Variants in POMT2 observed in about 807,000 individuals in gnomAD.
POMT2 encodes protein O-mannosyl-transferase 2.
In POMT2, 75 loss-of-function variants were observed where a neutral mutation model predicts 100.0. That is an observed-to-expected ratio of 0.75 (90% confidence interval 0.62 to 0.91). POMT2 has a LOEUF of 0.91. Ranked by LOEUF, POMT2 falls within the 40% of genes least tolerant of loss-of-function variation. POMT2 has a pLI of 0.00. For synonymous variants in POMT2, 378 were observed against 374.1 expected (o/e 1.01, Z -0.12); for missense variants, 940 against 955.1 (o/e 0.98, Z 0.21).
At chr14:77,289,340 G>A (rs1429733074) in intron 10 of POMT2, among the ~76,000 whole-genome samples, 3 of 151,634 alleles carry the variant, frequency 2.0e-5, no homozygotes, top group East Asian at 2.0e-4. Flanking sequence ...GCAGTAAGCC[G>A]AGATTGCGCC....
In POMT2 at chr14:77,288,271, T is replaced by C. The variant is rs1890508577; in HGVS notation, c.1253+491A>G. ...ATGCTCTTAAGAAGTCTTTATATTA[T>C]TCCAGCATTTTTAGTCATTTTCAGT... On this transcript the variant is annotated intron_variant, in intron 11 of 20. Coordinates refer to ENST00000261534, the MANE Select transcript of POMT2 (RefSeq NM_013382.7). Among the ~76,000 whole-genome samples, 3 of 152,248 alleles carry C rather than the reference T, an allele frequency of 2.0e-5. No homozygotes were observed. The South Asian group carries it at 6.2e-4, about 32-fold the overall frequency.
chr14:77,294,540 T>G (rs904438546), intron 9 of POMT2, among the ~76,000 whole-genome samples: 1 of 152,192 alleles, frequency 6.6e-6, no homozygotes, highest in Non-Finnish European at 1.5e-5. Flanking sequence ...GCCAGGCTGG[T>G]CTCAAACTCC....
In POMT2 at chr14:77,277,276, C is replaced by G; in HGVS notation, c.*100G>C. 4 of 1,026,154 alleles carry G rather than the reference C, an allele frequency of 3.9e-6. No homozygotes were observed. Among genetic ancestry groups the G allele is most frequent in the South Asian group, 1.3e-5 (1 of 75,166 alleles). 63.6% of individuals were successfully genotyped at this position (1,026,154 alleles called of 1,614,324 possible). On this transcript the variant is annotated 3_prime_UTR_variant, in exon 21 of 21. Transcript: ENST00000261534. ...CTGGTGAGCAGCAGAATTCTTCGGG[C>G]TCCTTAGGCAGCTTCCTCATGGCCG...
chr14:77,280,396 T>G lies in POMT2; in HGVS notation c.1721A>C (p.Tyr574Ser), dbSNP rs142870987. Residue 574 changes from tyrosine (Y) to serine (S), a missense_variant, in exon 16 of 21, where the codon TAT (tyrosine) becomes TCT (serine). Physicochemically the swap from Tyr to Ser is moderately radical, Grantham distance 144. Transcript: ENST00000261534. ...AGCCCCAGCCTTGGATCCTACCTGA[T>G]AGTTGATAGGCCAGTGCCAGGGTTT... ...TSKPWHWPIN[Y>S]QGLRFSGVND... The G allele has an allele frequency of 2.5e-6, 4 of 1,613,832 alleles. No individual in the cohort carries two copies. Among genetic ancestry groups the G allele is most frequent in the Admixed American group, 1.7e-5 (1 of 59,988 alleles).
intron 9 of POMT2, among the ~76,000 whole-genome samples, chr14:77,295,621 G>A (rs1383402186): frequency 1.9e-4 from 22 of 112,990 alleles, no homozygotes; most frequent in African/African-American, 7.0e-4. Context: ...GACAGAGCAA[G>A]ACTCCATCTC....
In POMT2 at chr14:77,278,849, G is replaced by T. The variant is rs119463989; in HGVS notation, c.1912C>A (p.Arg638=). The part of the protein sequence containing the change: ...EVAGLSQVLL[R]GGGQVLLGWT... ...CCGAGCAGGACCTGGCCGCCTCCTC[G>T]AAGCAGGACCTGGGACAACCCTGGG... is the stretch of plus-strand genomic sequence containing the variant. Residue 638 remains arginine (R), a synonymous_variant, in exon 19 of 21, where the codon CGA becomes AGA. Coordinates refer to ENST00000261534, the MANE Select transcript of POMT2 (RefSeq NM_013382.7). 1 of 1,613,336 alleles carries T rather than the reference G, an allele frequency of 6.2e-7. No individual in the cohort carries two copies. The highest frequency in any genetic ancestry group is 8.5e-7 in the Non-Finnish European group (1 of 1,179,762).
chr14:77,284,757 C>T (rs756784207), intron 14 of POMT2, among the ~76,000 whole-genome samples, 193 bp downstream of exon 14: 3 of 152,000 alleles, frequency 2.0e-5, no homozygotes, highest in South Asian at 2.1e-4. Context: ...GAGGAGTTTA[C>T]GGAGGGAGTG....
rs138266415 is a variant in POMT2, at chr14:77,285,568, C to T, written c.1397G>A (p.Arg466Gln). Residue 466 changes from arginine to glutamine, a missense_variant, in exon 13 of 21, where the codon CGG (arginine) becomes CAG (glutamine). Physicochemically the swap from Arg to Gln is conservative, Grantham distance 43 (BLOSUM62 1). Transcript: ENST00000261534. ...AATTCGACTTCTCAGCACTTTGATC[C>T]GGTTTCCAAATTTCCTGTTTACGAC... ...IEVVNRKFGN[R>Q]IKVLRSRIRF... The T allele has an allele frequency of 5.4e-5, 87 of 1,613,796 alleles. No individual in the cohort carries two copies. The highest frequency in any genetic ancestry group is 4.9e-4 in the African/African-American group (37 of 74,894).
At chr14:77,303,713 C>T (rs1042010795) in intron 4 of POMT2, among the ~76,000 whole-genome samples, 1 of 152,222 alleles carries the variant, frequency 6.6e-6, no homozygotes, top group African/African-American at 2.4e-5. Flanking sequence ...AAGCTCTTTC[C>T]TGACTATCCT....
At chr14:77,279,139 G>A (rs572173989) in intron 18 of POMT2, 14 of 537,108 alleles carry the variant, frequency 2.6e-5, no homozygotes, top group South Asian at 5.9e-5. Flanking sequence ...ACCCTTCTGC[G>A]CCTGCAGACA....
intron 6 of POMT2, chr14:77,300,750 G>A: frequency 3.2e-6 from 1 of 311,056 alleles, no homozygotes; most frequent in Non-Finnish European, 6.2e-6. Context: ...TACCCAGGAG[G>A]CGGAAGTTGC....
chr14:77,307,341 A>T (rs925742434), intron 2 of POMT2, among the ~76,000 whole-genome samples: 1 of 152,170 alleles, frequency 6.6e-6, no homozygotes, highest in Non-Finnish European at 1.5e-5. Flanking sequence ...GATTTAGACT[A>T]CTAACCAACC....
At chr14:77,279,629 T>G in intron 18 of POMT2, 194 bp downstream of exon 18, 1 of 697,222 alleles carries the variant, frequency 1.4e-6, no homozygotes, top group Non-Finnish European at 2.6e-6. Context: ...CGCTCTAGTG[T>G]TGTTGGGAGG....
At chr14:77,283,302 A>G (rs1890295319) in intron 15 of POMT2, among the ~76,000 whole-genome samples, 1 of 152,228 alleles carries the variant, frequency 6.6e-6, no homozygotes, top group African/African-American at 2.4e-5. Context: ...TCTTCAACCA[A>G]GAGCACTATG....
intron 2 of POMT2, 128 bp from the exon 3 acceptor site, chr14:77,306,569 CCA>C: frequency 1.9e-6 from 2 of 1,036,784 alleles, no homozygotes; most frequent in Non-Finnish European, 2.9e-6. Flanking sequence ...GAAAATGTTG[CCA>C]ATGCAACATT....
At chr14:77,283,438 A>G (rs1268609733) in intron 15 of POMT2, among the ~76,000 whole-genome samples, 2 of 152,170 alleles carry the variant, frequency 1.3e-5, no homozygotes, top group African/African-American at 4.8e-5. Flanking sequence ...TACCTCTTAC[A>G]CTTAGCTGTG....
chr14:77,306,604 C>T (rs1891238930), intron 2 of POMT2, 163 bp from the exon 3 acceptor site: 1 of 714,538 alleles, frequency 1.4e-6, no homozygotes, highest in Admixed American at 2.5e-5. Flanking sequence ...TGCCACAGAG[C>T]AAAGAATCTT....
intron 12 of POMT2, among the ~76,000 whole-genome samples, 176 bp from the exon 13 acceptor site, chr14:77,285,808 T>C (rs778527556): frequency 2.0e-5 from 3 of 152,136 alleles, no homozygotes; most frequent in Non-Finnish European, 4.4e-5. Context: ...TCCCAGGTGA[T>C]TGGCATTGTC....
chr14:77,291,506 C>T, intron 9 of POMT2, 126 bp from the exon 10 acceptor site: 1 of 1,350,126 alleles, frequency 7.4e-7, no homozygotes, highest in Non-Finnish European at 1.0e-6. Context: ...GAATCCCCAG[C>T]CACCAACCTG....
Sources: gnomAD v4.1 joint callset for allele counts (sites outside exome capture counted in the v4.1 genomes callset) on GRCh38, gnomAD v4.1.1 for gene constraint, MANE v1.5 for transcripts, NCBI Gene and HGNC (gene_info 2026-07-23, HGNC 2026-07-21) for gene names.